DCDC1: variants seen among roughly 807,000 people sequenced by gnomAD.
DCDC1 encodes doublecortin domain containing 1.
Under a neutral mutation model 178.3 loss-of-function variants are expected in DCDC1, and 200 were observed. The observed-to-expected ratio is 1.12, with a 90% CI of 1.00 to 1.26. DCDC1 has a LOEUF of 1.26. Among genes scored for constraint, DCDC1 ranks in the 50% most tolerant of loss-of-function variants. DCDC1 has a pLI of 0.00. For missense variants in DCDC1, 1,983 were observed against 1,749.2 expected, an observed-to-expected ratio of 1.13 and a Z score of -2.38; for synonymous variants, 690 against 604.8, an observed-to-expected ratio of 1.14 and a Z score of -2.07.
At chr11:31,174,258 C>A (rs764299184) in intron 9 of DCDC1, among the ~76,000 whole-genome samples, 1 of 152,238 alleles carries the variant, frequency 6.6e-6, no homozygotes, top group African/African-American at 2.4e-5. Flanking sequence ...CCTACTCCCA[C>A]TGCCTGTCCT....
At chr11:30,952,978 C>T (rs1590516983) in intron 20 of DCDC1, among the ~76,000 whole-genome samples, 2 of 151,788 alleles carry the variant, frequency 1.3e-5, no homozygotes, top group East Asian at 3.9e-4. Flanking sequence ...TTGCAAAGTA[C>T]CAGATAAATT....
Position 31,343,623 on chromosome 11 carries a change from AAAAAT to A in DCDC1, c.-124-8064_-124-8060del, listed in dbSNP as rs558811005. 1.4e-4 allele frequency among the ~76,000 whole-genome samples: 22 copies of A among 152,272 alleles called. No individual in the cohort carries two copies. The East Asian group carries it at 4.2e-3, about 29-fold the overall frequency. The stretch of plus-strand genomic sequence containing the variant: ...CACCCAGCCTGACCCTGTCTCTTAA[AAAAAT>A]AAAATAAGGGCGGGGCACAATGGCT... On this transcript the variant is annotated intron_variant, in intron 1 of 38. Transcript: ENST00000684477.
rs549492265 is a variant in DCDC1, at chr11:31,356,724, A to G, written c.-125+12973T>C. On this transcript the variant is annotated intron_variant, in intron 1 of 38. Transcript: ENST00000684477. ...TAAAGAAAAAAAGAGAGAAGAATCA[A>G]ATAGACGCAATAAAAAATGATAAAG... 9.3e-5 allele frequency among the ~76,000 whole-genome samples: 14 copies of G among 151,058 alleles called. No homozygotes were observed. In the South Asian group the frequency reaches 2.9e-3, roughly 32 times the overall value.
At chr11:31,333,770 C>T (rs931856375) in intron 2 of DCDC1, among the ~76,000 whole-genome samples, 5 of 152,160 alleles carry the variant, frequency 3.3e-5, no homozygotes, top group Non-Finnish European at 7.3e-5. Flanking sequence ...ATGGGCTTCC[C>T]TTTGTGGGTA....
intron 3 of DCDC1, among the ~76,000 whole-genome samples, chr11:31,323,852 T>TA (rs1949506573): frequency 2.0e-5 from 3 of 152,112 alleles, no homozygotes; most frequent in Non-Finnish European, 4.4e-5. Flanking sequence ...AAGTTTTTAT[T>TA]AAACTTCATC....
intron 2 of DCDC1, among the ~76,000 whole-genome samples, chr11:31,331,452 C>A (rs1455121259): frequency 6.6e-6 from 1 of 152,174 alleles, no homozygotes; most frequent in Non-Finnish European, 1.5e-5. Flanking sequence ...GCATCCCTGT[C>A]TTGTGCCAGT....
intron 1 of DCDC1, among the ~76,000 whole-genome samples, chr11:31,353,634 G>A (rs1471305942): frequency 5.3e-5 from 8 of 152,074 alleles, no homozygotes; most frequent in African/African-American, 1.9e-4. Context: ...TTTCTTAAAC[G>A]CCTTATTCTT....
chr11:31,170,302 GA>G (rs1253625885), intron 9 of DCDC1, among the ~76,000 whole-genome samples: 3 of 151,954 alleles, frequency 2.0e-5, no homozygotes, highest in South Asian at 2.1e-4. Context: ...TCAGTAGACC[GA>G]AAAAAAGTTG....
chr11:31,030,985 A>C (rs966609187), intron 20 of DCDC1, among the ~76,000 whole-genome samples: 4 of 152,194 alleles, frequency 2.6e-5, no homozygotes, highest in Non-Finnish European at 4.4e-5. Flanking sequence ...ATTATAATAC[A>C]TATTGACCTC....
chr11:30,895,198 A>G (rs1210179398), intron 34 of DCDC1, among the ~76,000 whole-genome samples: 1 of 152,206 alleles, frequency 6.6e-6, no homozygotes, highest in Non-Finnish European at 1.5e-5. Flanking sequence ...ATTGAGCAAC[A>G]GCTATGGGTG....
intron 20 of DCDC1, among the ~76,000 whole-genome samples, chr11:30,961,507 C>G (rs1048307434): frequency 3.3e-5 from 5 of 151,954 alleles, no homozygotes; most frequent in Non-Finnish European, 5.9e-5. Flanking sequence ...GTTAAAGAAA[C>G]GCTTTAACGT....
intron 18 of DCDC1, among the ~76,000 whole-genome samples, chr11:31,070,664 C>T (rs930302553): frequency 4.6e-5 from 7 of 152,118 alleles, no homozygotes; most frequent in Admixed American, 1.3e-4. Context: ...AGAACATGAT[C>T]GGAATTTCAC....
chr11:30,951,594 C>T (rs1948427434), intron 21 of DCDC1, among the ~76,000 whole-genome samples: 1 of 152,028 alleles, frequency 6.6e-6, no homozygotes, highest in African/African-American at 2.4e-5. Flanking sequence ...TAAAATTACA[C>T]TATATTACTA....
intron 38 of DCDC1, among the ~76,000 whole-genome samples, chr11:30,874,250 T>C (rs977214196): frequency 1.6e-4 from 24 of 152,160 alleles, no homozygotes; most frequent in Admixed American, 1.4e-3. Flanking sequence ...CCCAGGTGCT[T>C]GTTAAAATGC....
rs187234741 is a variant in DCDC1, at chr11:31,312,334, C to G, written c.165-4426G>C. ...CACAACAGCCCTGTATTATTATTCCCCTTTTCCAGATGAGTAAACCAAGGG... is the reference window on the plus strand; with the variant it reads ...CACAACAGCCCTGTATTATTATTCCGCTTTTCCAGATGAGTAAACCAAGGG... On this transcript the variant is annotated intron_variant, in intron 3 of 38. Transcript: ENST00000684477. Among the ~76,000 whole-genome samples, 296 of 152,194 alleles carry G rather than the reference C, an allele frequency of 1.9e-3. 2 individuals are homozygous for G. The highest frequency in any genetic ancestry group is 6.5e-3 in the African/African-American group (270 of 41,550).
chr11:31,307,005 G>C (rs1402911804), intron 4 of DCDC1, among the ~76,000 whole-genome samples: 4 of 151,976 alleles, frequency 2.6e-5, no homozygotes, highest in Non-Finnish European at 5.9e-5. Flanking sequence ...AAAAGTATGT[G>C]GTAAACTGAC....
intron 1 of DCDC1, among the ~76,000 whole-genome samples, chr11:31,358,056 A>C (rs1564927870): frequency 1.3e-5 from 2 of 151,734 alleles, no homozygotes; most frequent in African/African-American, 4.8e-5. Flanking sequence ...CAAGCTACCA[A>C]TGACTTTCTT....
chr11:31,305,287 G>A (rs965738773), intron 6 of DCDC1, among the ~76,000 whole-genome samples: 1 of 152,118 alleles, frequency 6.6e-6, no homozygotes, highest in Admixed American at 6.6e-5. Flanking sequence ...AATGAATTAT[G>A]TCTGTTGAGT....
chr11:30,878,437 G>A, intron 38 of DCDC1, 107 bp downstream of exon 38: 1 of 1,108,842 alleles, frequency 9.0e-7, no homozygotes, highest in Non-Finnish European at 1.2e-6. Flanking sequence ...CTGGGTGACA[G>A]AGCAAGAACC....
Sources: allele counts gnomAD v4.1 joint callset (sites outside exome capture counted in the v4.1 genomes callset), GRCh38; gene constraint gnomAD v4.1.1; transcripts MANE v1.5; gene names NCBI Gene and HGNC (gene_info 2026-07-23, HGNC 2026-07-21).